ZBTB16: variants seen among roughly 807,000 people sequenced by gnomAD.
The protein encoded by ZBTB16 is zinc finger and BTB domain-containing protein 16.
ZBTB16 carries 8 observed loss-of-function variants against 56.8 expected under a neutral mutation model. That is an observed-to-expected ratio of 0.14 (90% CI 0.08 to 0.25). The LOEUF (loss-of-function observed/expected upper bound fraction) is 0.25, where lower values mean the gene tolerates loss of function less well. Among genes scored for constraint, ZBTB16 ranks in the 10% least tolerant of loss-of-function variants. The pLI is 1.00. For synonymous variants in ZBTB16, 363 were observed against 368.5 expected, an observed-to-expected ratio of 0.98 and a Z score of 0.17; for missense variants, 625 against 903.0, an observed-to-expected ratio of 0.69 and a Z score of 3.95.
At chr11:114,079,937 G>T (rs1939699931) in intron 2 of ZBTB16, among the ~76,000 whole-genome samples, 1 of 152,178 alleles carries the variant, frequency 6.6e-6, no homozygotes, top group African/African-American at 2.4e-5. Context: ...TAATGTTTCT[G>T]CATTTGTGGT....
intron 3 of ZBTB16, among the ~76,000 whole-genome samples, chr11:114,169,338 A>G (rs892951943): frequency 6.6e-6 from 1 of 152,126 alleles, no homozygotes; most frequent in African/African-American, 2.4e-5. Context: ...TGTCCAGTGA[A>G]GCTGGACCAC....
chr11:114,241,707 A>G (rs1303169422), intron 4 of ZBTB16, among the ~76,000 whole-genome samples: 1 of 152,124 alleles, frequency 6.6e-6, no homozygotes, highest in Admixed American at 6.5e-5. Flanking sequence ...AGGATAACAG[A>G]GGCTAGCTTT....
chr11:114,110,743 A>G (rs1431666934), intron 2 of ZBTB16, among the ~76,000 whole-genome samples: 1 of 152,214 alleles, frequency 6.6e-6, no homozygotes, highest in Non-Finnish European at 1.5e-5. Context: ...TTAATGTGAA[A>G]TATTTACGTA....
At chr11:114,127,204 G>A (rs1166728996) in intron 2 of ZBTB16, among the ~76,000 whole-genome samples, 1 of 152,168 alleles carries the variant, frequency 6.6e-6, no homozygotes. Flanking sequence ...AGCCTTTCCT[G>A]TGTGATGTGC....
chr11:114,180,246 G>A (rs1943216304), intron 3 of ZBTB16, among the ~76,000 whole-genome samples: 1 of 152,220 alleles, frequency 6.6e-6, no homozygotes, highest in Admixed American at 6.5e-5. Flanking sequence ...CTACAGGGTG[G>A]TGCTTAGAAC....
rs1938825824 is a variant in ZBTB16 at position 114,060,964 on chromosome 11, C to G, written c.-91+1082C>G. On this transcript the variant is annotated intron_variant, in intron 1 of 6. Transcript: ENST00000335953. This position sits in a 1 kb window ranked among gnomAD's most constrained non-coding sequence, Gnocchi z 6.0. ...CCCCTTCGCCGCGGGGCGGGTCCGC[C>G]TCCCCTGCCGCTCTCGCCGCGGAGT... Among the ~76,000 whole-genome samples the G allele has an allele frequency of 6.6e-6, 1 of 152,120 alleles. No homozygotes were observed. The highest frequency in any genetic ancestry group is 1.5e-5 in the Non-Finnish European group (1 of 67,986).
intron 4 of ZBTB16, among the ~76,000 whole-genome samples, chr11:114,238,920 C>T (rs1192591425): frequency 6.6e-6 from 1 of 152,160 alleles, no homozygotes; most frequent in Admixed American, 6.5e-5. Flanking sequence ...CTCTTGGAGT[C>T]GCCCTGCCTT....
chr11:114,152,033 GC>G (rs1377641327), intron 2 of ZBTB16, among the ~76,000 whole-genome samples: 1 of 152,212 alleles, frequency 6.6e-6, no homozygotes, highest in Non-Finnish European at 1.5e-5. Context: ...GTAGCCATTA[GC>G]CTTCTTTGTA....
At chr11:114,249,005 A>G (rs1390248692) in intron 6 of ZBTB16, among the ~76,000 whole-genome samples, 1 of 152,102 alleles carries the variant, frequency 6.6e-6, no homozygotes, top group Non-Finnish European at 1.5e-5. Context: ...GTTCCCTTAC[A>G]TCCTCTGCTC....
chr11:114,128,200 T>C (rs886226381), intron 2 of ZBTB16, among the ~76,000 whole-genome samples: 6 of 152,238 alleles, frequency 3.9e-5, no homozygotes, highest in African/African-American at 1.2e-4. Flanking sequence ...CCACTAGAGC[T>C]ATGTCTCTTC....
chr11:114,168,386 G>A (rs1046418189), intron 3 of ZBTB16, among the ~76,000 whole-genome samples: 1 of 152,196 alleles, frequency 6.6e-6, no homozygotes, highest in Non-Finnish European at 1.5e-5. Flanking sequence ...GGAAATATCT[G>A]TTGAAGAAGT....
At position 114,180,585 on chromosome 11, in the gene ZBTB16, G is replaced by T. The variant is rs372122555; in HGVS notation, c.1367-6367G>T. 3.3e-5 allele frequency among the ~76,000 whole-genome samples: 5 copies of T among 152,328 alleles called. No homozygotes were observed. In the South Asian group the frequency reaches 1.0e-3, roughly 32 times the overall value. On this transcript the variant is annotated intron_variant, in intron 3 of 6. Coordinates refer to ENST00000335953, the MANE Select transcript of ZBTB16 (RefSeq NM_006006.6). ...CTCAACTACCTGAGACCTAGCCAGA[G>T]ACCATGTCCTTGAGTTTTAAATAGG...
At chr11:114,232,211 G>T (rs1411837522) in intron 4 of ZBTB16, among the ~76,000 whole-genome samples, 3 of 152,190 alleles carry the variant, frequency 2.0e-5, no homozygotes, top group African/African-American at 4.8e-5. Context: ...ATGCAACCTT[G>T]CAGAGGGTTA....
chr11:114,079,436 A>T (rs1377697782), intron 2 of ZBTB16, among the ~76,000 whole-genome samples: 1 of 152,204 alleles, frequency 6.6e-6, no homozygotes, highest in South Asian at 2.1e-4. Context: ...AGCTGGTGAA[A>T]TAATAGGTGA....
intron 2 of ZBTB16, among the ~76,000 whole-genome samples, chr11:114,146,364 C>A (rs1419596254): frequency 6.6e-6 from 1 of 151,998 alleles, no homozygotes; most frequent in African/African-American, 2.4e-5. Flanking sequence ...TGAAGGCAGA[C>A]CCTGAGGTGA....
chr11:114,216,858 G>A (rs964335583), intron 4 of ZBTB16, among the ~76,000 whole-genome samples: 7 of 152,188 alleles, frequency 4.6e-5, no homozygotes, highest in African/African-American at 1.4e-4. Context: ...CCAGTCTCTT[G>A]ATTCAAGGAA....
chr11:114,174,464 T>C (rs977501487), intron 3 of ZBTB16, among the ~76,000 whole-genome samples: 7 of 152,268 alleles, frequency 4.6e-5, no homozygotes, highest in African/African-American at 1.4e-4. Context: ...GCGGATCACC[T>C]GAGATCAGAA....
intron 2 of ZBTB16, among the ~76,000 whole-genome samples, chr11:114,126,143 G>T (rs936849647): frequency 4.5e-4 from 68 of 152,132 alleles, no homozygotes; most frequent in African/African-American, 1.5e-3. Context: ...GGATCTTTCT[G>T]GCACTGAGAC....
In ZBTB16 at chr11:114,063,459, C is replaced by T; in HGVS notation, c.159C>T (p.Ala53=). The part of the protein sequence containing the change: ...QEFHAHRTVL[A]CTSKMFEILF... ...TCCACGCCCACCGGACGGTGCTGGC[C>T]TGCACCAGCAAGATGTTTGAGATCC... is the stretch of plus-strand genomic sequence containing the variant. The change falls in exon 2 of 7, where the codon GCC becomes GCT. Residue 53 remains alanine (A), a synonymous_variant. Coordinates refer to ENST00000335953, the MANE Select transcript of ZBTB16 (RefSeq NM_006006.6). The surrounding 1 kb of genome is among the most constrained non-coding windows in gnomAD (Gnocchi z 6.5). The T allele has an allele frequency of 6.2e-7, 1 of 1,614,214 alleles. No individual in the cohort carries two copies. Among genetic ancestry groups the T allele is most frequent in the Non-Finnish European group, 8.5e-7 (1 of 1,180,042 alleles).
Sources: allele counts gnomAD v4.1 joint callset (sites outside exome capture counted in the v4.1 genomes callset), GRCh38; gene constraint gnomAD v4.1.1; non-coding constraint Gnocchi (gnomAD v3.1); transcripts MANE v1.5; gene names NCBI Gene and HGNC (gene_info 2026-07-23, HGNC 2026-07-21).